The following MKLN1 variants were observed in gnomAD, a reference collection of about 807,000 sequenced individuals.
MKLN1 encodes muskelin.
A neutral mutation model predicts 99.0 loss-of-function variants in MKLN1; 18 were observed. That is an observed-to-expected ratio of 0.18 (90% CI 0.13 to 0.27). The LOEUF (loss-of-function observed/expected upper bound fraction) is 0.27, where lower values mean the gene tolerates loss of function less well. MKLN1 is among the 10% of genes least tolerant of loss of function. The pLI is 1.00. For missense variants in MKLN1, 621 were observed against 875.9 expected (o/e 0.71, Z 3.67); for synonymous variants, 288 against 293.2 (o/e 0.98, Z 0.18).
intron 3 of MKLN1, among the ~76,000 whole-genome samples, chr7:131,209,355 G>A (rs775541838): frequency 1.3e-5 from 2 of 152,218 alleles, no homozygotes; most frequent in Non-Finnish European, 2.9e-5. Flanking sequence ...GAGATGTTTA[G>A]GAAGCAATTA....
chr7:131,304,958 G>A (rs1207960932), intron 3 of MKLN1, among the ~76,000 whole-genome samples: 1 of 152,096 alleles, frequency 6.6e-6, no homozygotes, highest in Non-Finnish European at 1.5e-5. Context: ...AAGGAGCTAG[G>A]CAGGCCCCCT....
At position 131,133,929 on chromosome 7, in the gene MKLN1, A is replaced by T. The variant is rs530903441; in HGVS notation, c.-418-8891A>T. On this transcript the variant is annotated intron_variant, in intron 1 of 7. Coordinates refer to the MKLN1 transcript ENST00000416992. ...ACTGCAACCTCTGCCTCCCAGGTTC[A>T]AGCGATTCTCCTGCCTCAGCCTCCC... Among the ~76,000 whole-genome samples, 40 of 143,024 alleles carry T rather than the reference A, an allele frequency of 2.8e-4. 1 individual carries two copies. Among genetic ancestry groups the T allele is most frequent in the Admixed American group, 1.2e-3 (16 of 13,588 alleles). The allele number at this position is 143,024 out of a possible 152,430, so 93.8% of individuals were successfully genotyped here. A position where few individuals can be genotyped will look rare whatever the true frequency, so the allele number is the denominator to read the frequency against.
intron 3 of MKLN1, among the ~76,000 whole-genome samples, chr7:131,218,060 T>G (rs1054256510): frequency 6.6e-6 from 1 of 152,058 alleles, no homozygotes. Context: ...GAATGCTGAT[T>G]GGTTGGGTTG....
chr7:131,392,313 G>A (rs1349468626), intron 4 of MKLN1, among the ~76,000 whole-genome samples: 2 of 152,150 alleles, frequency 1.3e-5, no homozygotes, highest in Non-Finnish European at 2.9e-5. Flanking sequence ...AGACTTCAGA[G>A]AGCGGCTTTA....
chr7:131,336,151 A>G (rs561830344), intron 1 of MKLN1, among the ~76,000 whole-genome samples: 1 of 152,250 alleles, frequency 6.6e-6, no homozygotes, highest in East Asian at 1.9e-4. Flanking sequence ...TACTAGGCAC[A>G]TACAAACTTA....
intron 2 of MKLN1, among the ~76,000 whole-genome samples, chr7:131,164,938 C>A (rs534806416): frequency 6.6e-6 from 1 of 152,110 alleles, no homozygotes; most frequent in Admixed American, 6.5e-5. Flanking sequence ...CAACGATGAA[C>A]AAGACACGGA....
At chr7:131,166,852 C>G (rs1796133817) in intron 2 of MKLN1, among the ~76,000 whole-genome samples, 2 of 151,866 alleles carry the variant, frequency 1.3e-5, no homozygotes, top group Non-Finnish European at 2.9e-5. Context: ...TGCTGGGCTA[C>G]TTTTTGTATT....
At chr7:131,432,534 G>A (rs898201588) in intron 9 of MKLN1, among the ~76,000 whole-genome samples, 6 of 152,066 alleles carry the variant, frequency 3.9e-5, no homozygotes, top group African/African-American at 7.2e-5. Context: ...AAAAACCTCC[G>A]CCTCCCGGGT....
At chr7:131,162,505 C>T (rs1796069923) in intron 2 of MKLN1, among the ~76,000 whole-genome samples, 1 of 152,144 alleles carries the variant, frequency 6.6e-6, no homozygotes, top group Middle Eastern at 3.2e-3. Flanking sequence ...CCTTTGGTTT[C>T]TGATCATTCG....
At chr7:131,428,212 A>G (rs1241600468) in intron 8 of MKLN1, among the ~76,000 whole-genome samples, 1 of 152,138 alleles carries the variant, frequency 6.6e-6, no homozygotes, top group Non-Finnish European at 1.5e-5. Flanking sequence ...GATCTATGAT[A>G]CACAATGTTA....
chr7:131,407,575 C>T (rs1158945172), intron 6 of MKLN1, among the ~76,000 whole-genome samples: 8 of 151,718 alleles, frequency 5.3e-5, no homozygotes, highest in African/African-American at 1.7e-4. Context: ...CAAGATTTTT[C>T]CTTATAACAC....
At chr7:131,343,551 C>G (rs1799470019) in intron 1 of MKLN1, among the ~76,000 whole-genome samples, 2 of 152,088 alleles carry the variant, frequency 1.3e-5, no homozygotes, top group African/African-American at 2.4e-5. Flanking sequence ...AACATTTATT[C>G]TCCTCATTAT....
Position 131,388,930 on chromosome 7 carries a change from A to C in MKLN1, c.358A>C (p.Lys120Gln). ...YNKETFTLKHKIDEQMFPCRF... is the reference protein window; with the variant it reads ...YNKETFTLKHQIDEQMFPCRF... ...CAAAGAAACATTCACCTTGAAGCATAAAATTGATGAACAGATGTTCCCTTG... is the reference window on the plus strand; with the variant it reads ...CAAAGAAACATTCACCTTGAAGCATCAAATTGATGAACAGATGTTCCCTTG... Residue 120 changes from lysine (K) to glutamine (Q), a missense_variant, in exon 4 of 18, where the codon AAA (lysine) becomes CAA (glutamine). Transcript: ENST00000352689. The C allele has an allele frequency of 6.2e-7, 1 of 1,610,428 alleles. No individual in the cohort carries two copies. The highest frequency in any genetic ancestry group is 2.2e-5 in the East Asian group (1 of 44,656).
chr7:131,355,744 T>G (rs1217949354), intron 1 of MKLN1, among the ~76,000 whole-genome samples: 1 of 150,366 alleles, frequency 6.7e-6, no homozygotes, highest in Non-Finnish European at 1.5e-5. Context: ...CACTGGAACC[T>G]CAAACTCCTG....
chr7:131,386,440 T>C (rs947620072), intron 2 of MKLN1, among the ~76,000 whole-genome samples: 7 of 152,204 alleles, frequency 4.6e-5, no homozygotes, highest in Non-Finnish European at 1.0e-4. Context: ...TTATCCAATA[T>C]CGTGAAGCAT....
intron 1 of MKLN1, among the ~76,000 whole-genome samples, chr7:131,355,400 C>T (rs1799842297): frequency 6.6e-6 from 1 of 151,748 alleles, no homozygotes; most frequent in South Asian, 2.1e-4. Flanking sequence ...TCTTTTTATG[C>T]AGGAACATGG....
intron 3 of MKLN1, among the ~76,000 whole-genome samples, chr7:131,241,510 C>T (rs1240481448): frequency 2.0e-5 from 3 of 152,128 alleles, no homozygotes; most frequent in South Asian, 2.1e-4. Context: ...AATTCAAGGC[C>T]ATCCTGGCCA....
chr7:131,177,491 C>A (rs1422722405), intron 2 of MKLN1, among the ~76,000 whole-genome samples: 3 of 149,410 alleles, frequency 2.0e-5, no homozygotes, highest in Non-Finnish European at 4.5e-5. Flanking sequence ...AAAAAGATTG[C>A]ATATTCCCTT....
At chr7:131,233,795 T>A (rs1797276690) in intron 3 of MKLN1, among the ~76,000 whole-genome samples, 1 of 152,058 alleles carries the variant, frequency 6.6e-6, no homozygotes, top group Non-Finnish European at 1.5e-5. Flanking sequence ...CAAATATCCT[T>A]TAGCTTCTGC....
Sources: allele counts gnomAD v4.1 joint callset (sites outside exome capture counted in the v4.1 genomes callset), GRCh38; gene constraint gnomAD v4.1.1; transcripts MANE v1.5; gene names NCBI Gene and HGNC (gene_info 2026-07-23, HGNC 2026-07-21).